The following SPATA7 variants were observed in gnomAD, a reference collection of about 807,000 sequenced individuals.
The protein encoded by SPATA7 is spermatogenesis-associated protein 7.
In SPATA7, 43 loss-of-function variants were observed where a neutral mutation model predicts 51.8. That is an observed-to-expected ratio of 0.83 (90% CI 0.65 to 1.07). SPATA7 has a LOEUF of 1.07. SPATA7 is among the 50% of genes least tolerant of loss of function. The pLI, the probability that SPATA7 is intolerant of heterozygous loss-of-function variation, is 0.00. For missense variants in SPATA7, 683 were observed against 701.3 expected (o/e 0.97, Z 0.30); for synonymous variants, 230 against 252.8 (o/e 0.91, Z 0.86).
chr14:88,459,890 G>C (rs61975266), downstream of SPATA7, among the ~76,000 whole-genome samples: 1 of 152,152 alleles, frequency 6.6e-6, no homozygotes, highest in East Asian at 1.9e-4. Flanking sequence ...TCTTTCAGGA[G>C]CTCTTGTAGA....
chr14:88,438,069 G>T lies in SPATA7; in HGVS notation c.1447G>T (p.Glu483Ter). ...ATTGTCGGCACCAAAGGATGAGAAC[G>T]AGATATTCCCTTCACCAACTGAATT... Reference protein sequence around the residue: ...MLLSAPKDENEIFPSPTEFFM... With the variant: ...MLLSAPKDEN The change falls in exon 12 of 12, where the codon GAG becomes TAG. Residue 483 changes from glutamate to a stop codon, truncating the protein, a stop_gained. Transcript: ENST00000393545. LOFTEE classifies it low-confidence loss of function (END_TRUNC). 6.2e-7 allele frequency: 1 copy of T among 1,614,084 alleles called. No individual in the cohort carries two copies. Among genetic ancestry groups the T allele is most frequent in the Non-Finnish European group, 8.5e-7 (1 of 1,180,000 alleles).
At chr14:88,391,962 T>C (rs2075758443) in intron 2 of SPATA7, among the ~76,000 whole-genome samples, 1 of 152,236 alleles carries the variant, frequency 6.6e-6, no homozygotes, top group South Asian at 2.1e-4. Context: ...ATTTTTGTAA[T>C]TATACCTTAG....
chr14:88,408,409 T>G (rs1486089118), intron 4 of SPATA7, among the ~76,000 whole-genome samples: 1 of 152,178 alleles, frequency 6.6e-6, no homozygotes, highest in East Asian at 1.9e-4. Flanking sequence ...TGGCTGTCTG[T>G]CTGTTGTTGG....
chr14:88,417,075 T>A (rs1247029794), intron 5 of SPATA7, among the ~76,000 whole-genome samples: 1 of 152,164 alleles, frequency 6.6e-6, no homozygotes, highest in African/African-American at 2.4e-5. Context: ...GCTGAAACTT[T>A]ATTAACTGAA....
At chr14:88,460,585 C>G (rs527689434) in intron 4 of SPATA7, among the ~76,000 whole-genome samples, 1 of 152,280 alleles carries the variant, frequency 6.6e-6, no homozygotes, top group African/African-American at 2.4e-5. Flanking sequence ...CTTCTCTACA[C>G]TGTTTATTCT....
At chr14:88,427,802 G>A in intron 7 of SPATA7, 106 bp downstream of exon 7, 1 of 859,048 alleles carries the variant, frequency 1.2e-6, no homozygotes, top group South Asian at 1.4e-5. Context: ...ATCTGTTGGT[G>A]GCACTTATCA....
At chr14:88,460,260 T>C (rs2077309130), downstream of SPATA7, among the ~76,000 whole-genome samples, 1 of 152,222 alleles carries the variant, frequency 6.6e-6, no homozygotes, top group Non-Finnish European at 1.5e-5. Context: ...TGGCCTGCCT[T>C]GCTAGGTTGG....
At chr14:88,436,451 G>A (rs1241522750) in intron 10 of SPATA7, among the ~76,000 whole-genome samples, 1 of 152,096 alleles carries the variant, frequency 6.6e-6, no homozygotes, top group East Asian at 1.9e-4. Context: ...GTCCATGTTT[G>A]CTTTGGTTGC....
chr14:88,423,942 G>A (rs541251805), intron 5 of SPATA7, among the ~76,000 whole-genome samples: 84 of 152,202 alleles, frequency 5.5e-4, no homozygotes, highest in Non-Finnish European at 9.4e-4. Flanking sequence ...GATTGATTTA[G>A]TACTGAGTTC....
chr14:88,445,399 G>A (rs1366598874), intron 3 of SPATA7, among the ~76,000 whole-genome samples: 4 of 152,046 alleles, frequency 2.6e-5, no homozygotes, highest in Non-Finnish European at 5.9e-5. Context: ...AGACAATGGG[G>A]TTTTCTAGAT....
At chr14:88,442,214 G>C (rs2077182836), downstream of SPATA7, among the ~76,000 whole-genome samples, 1 of 145,730 alleles carries the variant, frequency 6.9e-6, no homozygotes, top group Non-Finnish European at 1.5e-5. Context: ...TTTTGAGGCA[G>C]AGTCTCACTC....
At chr14:88,400,236 CAAA>C (rs1028015506) in intron 4 of SPATA7, among the ~76,000 whole-genome samples, 7 of 151,880 alleles carry the variant, frequency 4.6e-5, no homozygotes, top group Non-Finnish European at 8.8e-5. Context: ...AGTATTGAGT[CAAA>C]GAAGAAATAA....
At chr14:88,459,368 TA>T (rs1158731263), downstream of SPATA7, among the ~76,000 whole-genome samples, 4 of 152,210 alleles carry the variant, frequency 2.6e-5, no homozygotes, top group African/African-American at 9.7e-5. Context: ...AGTCTCTTTG[TA>T]AGTCTCTAAG....
chr14:88,445,309 T>C (rs2140041030), intron 3 of SPATA7, among the ~76,000 whole-genome samples: 1 of 150,812 alleles, frequency 6.6e-6, no homozygotes, highest in East Asian at 1.9e-4. Flanking sequence ...TGTATAAGAA[T>C]GCTTGTGATT....
At chr14:88,447,162 G>C (rs1301871216) in intron 3 of SPATA7, among the ~76,000 whole-genome samples, 1 of 149,404 alleles carries the variant, frequency 6.7e-6, no homozygotes, top group Non-Finnish European at 1.5e-5. Context: ...ATGAATCTGG[G>C]TGCTCCTGTA....
downstream of SPATA7, among the ~76,000 whole-genome samples, chr14:88,442,005 G>A (rs2077181473): frequency 6.6e-6 from 1 of 152,094 alleles, no homozygotes; most frequent in South Asian, 2.1e-4. Context: ...TCCATCTTGA[G>A]TTGATTTTTC....
At chr14:88,436,511 A>G (rs1201866647) in intron 10 of SPATA7, among the ~76,000 whole-genome samples, 1 of 152,064 alleles carries the variant, frequency 6.6e-6, no homozygotes, top group Non-Finnish European at 1.5e-5. Context: ...CCAGTGTCCT[A>G]GAGATTTTCC....
intron 8 of SPATA7, among the ~76,000 whole-genome samples, chr14:88,430,448 A>G (rs1446275041): frequency 6.6e-6 from 1 of 152,204 alleles, no homozygotes; most frequent in East Asian, 1.9e-4. Flanking sequence ...TTTCTAAAAG[A>G]AGTAAAGTAG....
At chr14:88,387,049 C>A (rs1409885741) in intron 1 of SPATA7, among the ~76,000 whole-genome samples, 4 of 152,146 alleles carry the variant, frequency 2.6e-5, no homozygotes, top group African/African-American at 9.7e-5. Flanking sequence ...ACAAAAATAC[C>A]TTGATAGGCA....
Sources: gnomAD v4.1 joint callset for allele counts (sites outside exome capture counted in the v4.1 genomes callset) on GRCh38, gnomAD v4.1.1 for gene constraint, MANE v1.5 for transcripts, NCBI Gene and HGNC (gene_info 2026-07-23, HGNC 2026-07-21) for gene names.